Variants in ETV6 observed in about 807,000 individuals in gnomAD.
ETV6 encodes ETS variant transcription factor 6.
Under a neutral mutation model 51.1 loss-of-function variants are expected in ETV6, and 16 were observed. The ratio of observed to expected loss-of-function variants is 0.31; its 90% CI spans 0.21 to 0.48. The LOEUF is 0.48. Among genes scored for constraint, ETV6 ranks in the 20% least tolerant of loss-of-function variants. ETV6 has a pLI of 0.99. For missense variants in ETV6, 458 were observed against 594.8 expected, an observed-to-expected ratio of 0.77 and a Z score of 2.39; for synonymous variants, 240 against 224.1, an observed-to-expected ratio of 1.07 and a Z score of -0.64.
chr12:11,808,448 A>AAAC (rs201449345), intron 2 of ETV6, among the ~76,000 whole-genome samples: 4,098 of 151,136 alleles, frequency 0.027, 199 homozygotes, highest in African/African-American at 0.096. Flanking sequence ...AAAAAACAAA[A>AAAC]AAAAAAAACC....
chr12:11,714,685 A>G (rs1288448589), intron 1 of ETV6, among the ~76,000 whole-genome samples: 3 of 149,228 alleles, frequency 2.0e-5, no homozygotes, highest in Non-Finnish European at 4.4e-5. Flanking sequence ...TCTGTGATGG[A>G]AGACACTTAC....
chr12:11,889,822 G>A (rs1051127825), intron 7 of ETV6, among the ~76,000 whole-genome samples: 1 of 152,192 alleles, frequency 6.6e-6, no homozygotes, highest in Admixed American at 6.5e-5. Flanking sequence ...GCATGTGGAG[G>A]AATGAGAGAA....
intron 1 of ETV6, among the ~76,000 whole-genome samples, chr12:11,667,606 C>T (rs2120675710): frequency 6.6e-6 from 1 of 150,668 alleles, no homozygotes; most frequent in African/African-American, 2.4e-5. Context: ...GATCATAGCT[C>T]ACTGCCTCGA....
chr12:11,844,394 C>T (rs1416665316), intron 3 of ETV6, among the ~76,000 whole-genome samples: 2 of 152,138 alleles, frequency 1.3e-5, no homozygotes, highest in Non-Finnish European at 2.9e-5. Flanking sequence ...TTTTCATATA[C>T]TAGAGTGTGA....
At chr12:11,650,242 C>A in intron 1 of ETV6, 82 bp downstream of exon 1, 1 of 1,191,554 alleles carries the variant, frequency 8.4e-7, no homozygotes, top group Non-Finnish European at 1.3e-6. Flanking sequence ...CTCCTCAGAG[C>A]AGGCTGTTGC....
intron 1 of ETV6, among the ~76,000 whole-genome samples, chr12:11,662,628 G>A (rs1431579577): frequency 1.3e-5 from 2 of 152,192 alleles, no homozygotes; most frequent in African/African-American, 4.8e-5. Context: ...CTCTTGGTTG[G>A]CTTATATGTA....
At chr12:11,875,872 A>G (rs1946974560) in intron 5 of ETV6, among the ~76,000 whole-genome samples, 2 of 152,210 alleles carry the variant, frequency 1.3e-5, no homozygotes, top group South Asian at 2.1e-4. Flanking sequence ...GTCTGCTTCC[A>G]TGCTGCAGTG....
At chr12:11,883,592 GC>G (rs1355150826) in intron 5 of ETV6, among the ~76,000 whole-genome samples, 1 of 152,048 alleles carries the variant, frequency 6.6e-6, no homozygotes, top group African/African-American at 2.4e-5. Flanking sequence ...ACCACGCCCG[GC>G]CATGTCTTCT....
At chr12:11,743,767 G>T (rs938549780) in intron 1 of ETV6, among the ~76,000 whole-genome samples, 2 of 152,150 alleles carry the variant, frequency 1.3e-5, no homozygotes, top group Non-Finnish European at 2.9e-5. Flanking sequence ...GTTGCAGCTC[G>T]CTGGGGTTGT....
chr12:11,787,060 C>T (rs16907268), intron 2 of ETV6, among the ~76,000 whole-genome samples: 6,977 of 152,196 alleles, frequency 0.046, 535 homozygotes, highest in African/African-American at 0.16. Context: ...AGTAATGGGG[C>T]CCATGAGCCA....
chr12:11,663,436 T>A (rs1864136338), intron 1 of ETV6, among the ~76,000 whole-genome samples: 1 of 152,228 alleles, frequency 6.6e-6, no homozygotes, highest in Non-Finnish European at 1.5e-5. Flanking sequence ...GTGACTCTGT[T>A]TGCATATATG....
intron 1 of ETV6, among the ~76,000 whole-genome samples, chr12:11,700,154 T>C (rs1425090421): frequency 6.6e-6 from 1 of 152,216 alleles, no homozygotes; most frequent in Non-Finnish European, 1.5e-5. Flanking sequence ...GTGAAAGGTA[T>C]TTGAATATAC....
At chr12:11,871,822 C>T (rs1348283566) in intron 5 of ETV6, among the ~76,000 whole-genome samples, 1 of 152,002 alleles carries the variant, frequency 6.6e-6, no homozygotes, top group Non-Finnish European at 1.5e-5. Context: ...GATCTCTCTG[C>T]TTTTACCTGT....
At chr12:11,887,983 C>G (rs1327423683) in intron 7 of ETV6, among the ~76,000 whole-genome samples, 1 of 152,072 alleles carries the variant, frequency 6.6e-6, no homozygotes, top group Non-Finnish European at 1.5e-5. Context: ...GGGACTGTTG[C>G]CAGAAGTTCC....
intron 3 of ETV6, among the ~76,000 whole-genome samples, chr12:11,843,326 T>C (rs1308421850): frequency 6.6e-6 from 1 of 152,256 alleles, no homozygotes; most frequent in East Asian, 1.9e-4. Context: ...TTTCCAGATG[T>C]AACATTTGCC....
chr12:11,734,968 A>C (rs551640312), intron 1 of ETV6, among the ~76,000 whole-genome samples: 6 of 152,280 alleles, frequency 3.9e-5, no homozygotes, highest in Admixed American at 2.6e-4. Flanking sequence ...TTTCGTCTCT[A>C]AAGTGTCATG....
In ETV6 at chr12:11,823,469, C is replaced by CTTTT. The variant is rs756553588; in HGVS notation, c.164-15659_164-15656dup. On this transcript the variant is annotated intron_variant, in intron 2 of 7. Coordinates refer to ENST00000396373, the MANE Select transcript of ETV6 (RefSeq NM_001987.5). Reference sequence around the variant, plus strand: ...ATCCCCACTAGAGAGTCCTTTTTTTCTTTTTTTTTTTTTTTGAGTTGGAGT... The same window carrying CTTTT: ...ATCCCCACTAGAGAGTCCTTTTTTTCTTTTTTTTTTTTTTTTTTTGAGTTGGAGT... 7.1e-3 allele frequency among the ~76,000 whole-genome samples: 980 copies of CTTTT among 137,528 alleles called. 13 individuals are homozygous for CTTTT. Among genetic ancestry groups the CTTTT allele is most frequent in the African/African-American group, 0.025 (938 of 36,910 alleles). 90.2% of individuals were successfully genotyped at this position (137,528 alleles called of 152,430 possible).
rs573258982 is a variant in ETV6 at position 11,871,344 on chromosome 12, A to G, written c.1009+1375A>G. 7.2e-5 allele frequency among the ~76,000 whole-genome samples: 11 copies of G among 151,918 alleles called. No homozygotes were observed. The South Asian group carries it at 2.1e-3, about 29-fold the overall frequency. ...GCTGCGACTACAGGCGCCCGCCACC[A>G]TGCCCGGCTAATTTTTTTCATATTT... On this transcript the variant is annotated intron_variant, in intron 5 of 7. Transcript: ENST00000396373.
At chr12:11,650,910 G>A (rs2120589714) in intron 1 of ETV6, among the ~76,000 whole-genome samples, 1 of 152,340 alleles carries the variant, frequency 6.6e-6, no homozygotes. Context: ...ACAGTGCAGA[G>A]AGGCTATCTA....
Sources: allele counts gnomAD v4.1 joint callset (sites outside exome capture counted in the v4.1 genomes callset), GRCh38; gene constraint gnomAD v4.1.1; transcripts MANE v1.5; gene names NCBI Gene and HGNC (gene_info 2026-07-23, HGNC 2026-07-21).